The following ADGRG2 variants were observed in gnomAD, a reference collection of about 807,000 sequenced individuals.
ADGRG2 encodes adhesion G protein-coupled receptor G2.
In ADGRG2, 26 loss-of-function variants were observed where a neutral mutation model predicts 74.1. The ratio of observed to expected loss-of-function variants is 0.35; its 90% confidence interval spans 0.26 to 0.49. ADGRG2 has a LOEUF of 0.49. Ranked by LOEUF, ADGRG2 falls within the 20% of genes least tolerant of loss-of-function variation. ADGRG2 has a pLI of 0.99. For synonymous variants in ADGRG2, 296 were observed against 295.2 expected (o/e 1.00, Z -0.03); for missense variants, 619 against 763.1 (o/e 0.81, Z 2.22).
intron 28 of ADGRG2, among the ~76,000 whole-genome samples, chrX:18,991,272 G>A (rs1454590004): frequency 5.4e-5 from 6 of 111,249 alleles, no homozygotes; most frequent in African/African-American, 1.3e-4. Flanking sequence ...AGTTCTCTAT[G>A]GCAGTTTTTT....
At chrX:19,058,969 T>A (rs1169732341) in intron 3 of ADGRG2, among the ~76,000 whole-genome samples, 3 of 112,375 alleles carry the variant, frequency 2.7e-5, no homozygotes, top group Non-Finnish European at 5.6e-5. Context: ...CTTTATACAG[T>A]GCTTTGGGGA....
chrX:19,030,992 T>C lies in ADGRG2; in HGVS notation c.350A>G (p.Asn117Ser), dbSNP rs770240862. 1 of 1,182,929 alleles carries C rather than the reference T, an allele frequency of 8.5e-7. No homozygotes were observed. The highest frequency in any genetic ancestry group is 3.0e-5 in the East Asian group (1 of 33,691). Residue 117 changes from asparagine to serine, a missense_variant, in exon 9 of 29, where the codon AAT becomes AGT. Coordinates refer to ENST00000379869, the MANE Select transcript of ADGRG2 (RefSeq NM_001079858.3). ...RNICNLSSIC[N>S]DSAFFRGEIM... ...TGTACACAAGAACTAACCTGAGTCA[T>C]TGCAAATAGATGACAAATTGCAGAT... is the stretch of plus-strand genomic sequence containing the variant.
intron 11 of ADGRG2, among the ~76,000 whole-genome samples, chrX:19,025,408 A>G (rs2060680360): frequency 9.0e-6 from 1 of 111,248 alleles, no homozygotes; most frequent in Admixed American, 9.6e-5. Context: ...AGGGATGAGA[A>G]ACATTGCTCT....
chrX:19,105,252 C>T (rs978005477), intron 1 of ADGRG2, among the ~76,000 whole-genome samples: 1 of 111,781 alleles, frequency 8.9e-6, no homozygotes, highest in Non-Finnish European at 1.9e-5. Flanking sequence ...AAAGTGGATC[C>T]AATGTGTCTA....
In ADGRG2 at chrX:19,007,224, C is replaced by A; in HGVS notation, c.1689+11G>T. 8.3e-7 allele frequency: 1 copy of A among 1,209,169 alleles called. No individual in the cohort carries two copies. The highest frequency in any genetic ancestry group is 1.8e-5 in the South Asian group (1 of 56,890). ...CTGGTCAATGAACAGACGGCACTGG[C>A]CTCTCCCCACCTGGCTCGGGTTGAT... On this transcript the variant is annotated intron_variant, in intron 20 of 28. Coordinates refer to ENST00000379869, the MANE Select transcript of ADGRG2 (RefSeq NM_001079858.3).
intron 9 of ADGRG2, among the ~76,000 whole-genome samples, chrX:19,030,774 T>C (rs2060808868): frequency 8.9e-6 from 1 of 112,357 alleles, no homozygotes; most frequent in South Asian, 3.7e-4. Flanking sequence ...TTAAGGAAGT[T>C]AATCCATCTT....
chrX:19,017,482 C>T (rs1362525779), intron 15 of ADGRG2, among the ~76,000 whole-genome samples: 2 of 111,733 alleles, frequency 1.8e-5, no homozygotes, highest in Non-Finnish European at 3.8e-5. Context: ...CACTAGGGGT[C>T]AGTGGGGCTG....
chrX:19,011,012 C>T (rs1399518563), intron 16 of ADGRG2, among the ~76,000 whole-genome samples: 1 of 112,031 alleles, frequency 8.9e-6, no homozygotes, highest in African/African-American at 3.2e-5. Context: ...GATCAACAAA[C>T]TATGGTACCT....
At chrX:18,998,797 T>C (rs940152786) in intron 26 of ADGRG2, among the ~76,000 whole-genome samples, 199 bp downstream of exon 26, 1 of 111,153 alleles carries the variant, frequency 9.0e-6, no homozygotes, top group Non-Finnish European at 1.9e-5. Flanking sequence ...TAATAGACTA[T>C]AGTCTAGTGT....
chrX:19,057,267 G>A (rs1438923128), intron 3 of ADGRG2, among the ~76,000 whole-genome samples: 1 of 111,189 alleles, frequency 9.0e-6, no homozygotes, highest in African/African-American at 3.3e-5. Flanking sequence ...AGGTTAGTGA[G>A]AATGTCTGTT....
At position 18,991,006 on chromosome X, in the gene ADGRG2, T is replaced by A. The variant is rs748660061; in HGVS notation, c.2912A>T (p.Gln971Leu). ...ATCGTGAAGGCACACATCTCCATTC[T>A]GAACACTAAAAGAGACCCCATTCCT... is the stretch of plus-strand genomic sequence containing the variant. ...TERNGVSFSV[Q>L]NGDVCLHDFT... The change falls in exon 29 of 29, where the codon CAG becomes CTG. Residue 971 changes from glutamine to leucine, a missense_variant. Physicochemically the swap from Gln to Leu is moderately radical, Grantham distance 113. Around this residue, in one of 3 missense-constraint regions of ADGRG2, gnomAD observed 106 missense variants for 104.5 expected, o/e 1.01. Transcript: ENST00000379869. 1 of 1,202,677 alleles carries A rather than the reference T, an allele frequency of 8.3e-7. No individual in the cohort carries two copies. The highest frequency in any genetic ancestry group is 1.1e-6 in the Non-Finnish European group (1 of 888,497).
chrX:19,108,334 G>A (rs147239591), intron 1 of ADGRG2, among the ~76,000 whole-genome samples: 1 of 110,851 alleles, frequency 9.0e-6, no homozygotes, highest in African/African-American at 3.3e-5. Flanking sequence ...ATGTCCAAAG[G>A]TGGCTACTAA....
At chrX:19,015,378 GC>G (rs1338878964) in intron 15 of ADGRG2, among the ~76,000 whole-genome samples, 1 of 112,386 alleles carries the variant, frequency 8.9e-6, no homozygotes, top group African/African-American at 3.2e-5. Context: ...GAGGTTCGGG[GC>G]AGTGAGGATA....
chrX:19,029,693 T>G (rs2060785478), intron 9 of ADGRG2, among the ~76,000 whole-genome samples: 1 of 109,926 alleles, frequency 9.1e-6, no homozygotes, highest in Non-Finnish European at 1.9e-5. Context: ...ATGACCAGTT[T>G]TTTTTTTTTT....
intron 28 of ADGRG2, among the ~76,000 whole-genome samples, chrX:18,992,055 TG>T (rs1223675860): frequency 9.0e-6 from 1 of 111,594 alleles, no homozygotes; most frequent in Non-Finnish European, 1.9e-5. Flanking sequence ...CTTGTGGTCC[TG>T]GGTACCAAAT....
intron 28 of ADGRG2, among the ~76,000 whole-genome samples, 165 bp downstream of exon 28, chrX:18,994,731 T>C (rs1170936947): frequency 8.9e-6 from 1 of 112,103 alleles, no homozygotes; most frequent in Non-Finnish European, 1.9e-5. Context: ...ATAAATCAAT[T>C]TGGATTAGTA....
intron 20 of ADGRG2, among the ~76,000 whole-genome samples, chrX:19,006,870 C>T (rs2060246881): frequency 1.9e-5 from 2 of 107,020 alleles, no homozygotes; most frequent in African/African-American, 6.9e-5. Context: ...GATCCTCCCG[C>T]CTCAGCCCTC....
intron 26 of ADGRG2, 55 bp downstream of exon 26, chrX:18,998,941 C>T: frequency 1.0e-6 from 1 of 1,002,735 alleles, no homozygotes; most frequent in Non-Finnish European, 1.4e-6. Context: ...TTAGTAGCTA[C>T]ATTTTTATAT....
intron 2 of ADGRG2, among the ~76,000 whole-genome samples, chrX:19,082,423 A>G (rs959997972): frequency 1.8e-5 from 2 of 111,833 alleles, no homozygotes; most frequent in Non-Finnish European, 3.8e-5. Flanking sequence ...GTAACTTCAA[A>G]ATCGGTACCC....
Sources: gnomAD v4.1 joint callset for allele counts (sites outside exome capture counted in the v4.1 genomes callset) on GRCh38, gnomAD v4.1.1 for gene constraint, gnomAD v4.1.1 regional missense constraint, MANE v1.5 for transcripts, NCBI Gene and HGNC (gene_info 2026-07-23, HGNC 2026-07-21) for gene names.